BRD7: variants seen among roughly 807,000 people sequenced by gnomAD.
The protein encoded by BRD7 is bromodomain containing 7.
A neutral mutation model predicts 82.1 loss-of-function variants in BRD7; 15 were observed. That is an observed-to-expected ratio of 0.18 (90% CI 0.12 to 0.28). The LOEUF (loss-of-function observed/expected upper bound fraction) is 0.28, where lower values mean the gene tolerates loss of function less well. Among genes scored for constraint, BRD7 ranks in the 10% least tolerant of loss-of-function variants. The probability of loss-of-function intolerance (pLI) is 1.00; values close to 1 mark genes in which losing one functional copy is unlikely to be tolerated. For missense variants in BRD7, 638 were observed against 779.9 expected (o/e 0.82, Z 2.17); for synonymous variants, 232 against 266.9 (o/e 0.87, Z 1.27).
Position 50,320,299 on chromosome 16 carries a change from G to C in BRD7, c.1705C>G (p.Pro569Ala), listed in dbSNP as rs746738131. The stretch of plus-strand genomic sequence containing the variant: ...CCCAAGAGACAGATCATGTTCGGAG[G>C]GGGTCTGGTGCTCAAACGTTCATTC... The part of the protein sequence containing the change: ...AQNERLSTRP[P>A]PNMICLLGPS... The change falls in exon 15 of 17, where the codon CCT becomes GCT. Residue 569 changes from proline (P) to alanine (A), a missense_variant. Physicochemically the swap from Pro to Ala is conservative, Grantham distance 27 (BLOSUM62 -1). Around this residue, in one of 3 missense-constraint regions of BRD7, gnomAD observed 402 missense variants for 500.8 expected, o/e 0.80. Transcript: ENST00000394688. The C allele has an allele frequency of 1.9e-6, 3 of 1,614,156 alleles. No individual in the cohort carries two copies. Among genetic ancestry groups the C allele is most frequent in the Non-Finnish European group, 1.7e-6 (2 of 1,180,028 alleles).
chr16:50,355,909 G>T (rs898077285), intron 2 of BRD7, among the ~76,000 whole-genome samples: 1 of 152,120 alleles, frequency 6.6e-6, no homozygotes, highest in Non-Finnish European at 1.5e-5. Context: ...CTGAGATAAA[G>T]TACTTGAAAC....
In BRD7 at chr16:50,316,492, C is replaced by G. The variant is rs763837174; in HGVS notation, c.*2719G>C. 4 of 152,352 alleles carry G rather than the reference C, an allele frequency of 2.6e-5. No homozygotes were observed. The highest frequency in any genetic ancestry group is 5.9e-5 in the Non-Finnish European group (4 of 68,050). The allele number at this position is 152,352 out of a possible 1,614,324, so 9.4% of individuals were successfully genotyped here. On this transcript the variant is annotated 3_prime_UTR_variant, in exon 17 of 17. Transcript: ENST00000394688. The stretch of plus-strand genomic sequence containing the variant: ...AGGAATGGAGTCTGTTTAGAGACAA[C>G]TTGGACAACCTGTGAGTGCATCTCT...
intron 10 of BRD7, 28 bp downstream of exon 10, chr16:50,326,256 A>C (rs2037331984): frequency 6.3e-7 from 1 of 1,582,704 alleles, no homozygotes; most frequent in Admixed American, 1.7e-5. Context: ...AGAGAAGAGA[A>C]AAAATGACTC....
rs771492206 is a variant in BRD7, at chr16:50,354,490, AAAG to A, written c.389-11_389-9del. ...GGGGTGTCTGTTCTACTTCTAAAGC[AAAG>A]AAGAAGGGAAAAGGGTATTTTAAAA... On this transcript the variant is annotated splice_polypyrimidine_tract_variant and intron_variant, in intron 3 of 16. Coordinates refer to ENST00000394688, the MANE Select transcript of BRD7 (RefSeq NM_013263.5). 30 of 1,608,268 alleles carry A rather than the reference AAAG, an allele frequency of 1.9e-5. No individual in the cohort carries two copies. The highest frequency in any genetic ancestry group is 2.1e-4 in the Middle Eastern group (1 of 4,800).
chr16:50,367,340 G>A (rs1215621807), intron 2 of BRD7, among the ~76,000 whole-genome samples: 2 of 152,106 alleles, frequency 1.3e-5, no homozygotes, highest in Non-Finnish European at 2.9e-5. Flanking sequence ...TCCCACCTCA[G>A]CCTCCTGAAT....
At chr16:50,368,569 G>C (rs1567296772) in intron 1 of BRD7, 157 bp downstream of exon 1, 2 of 771,486 alleles carry the variant, frequency 2.6e-6, no homozygotes, top group Non-Finnish European at 3.7e-6. Context: ...CGGCCGCACG[G>C]GGGGCAGCGC....
chr16:50,364,441 C>T (rs1024111392), intron 2 of BRD7, among the ~76,000 whole-genome samples: 1 of 152,190 alleles, frequency 6.6e-6, no homozygotes, highest in Non-Finnish European at 1.5e-5. Flanking sequence ...AAAAGAATGA[C>T]CCAAACAGTC....
At chr16:50,333,431 T>C in intron 8 of BRD7, 143 bp downstream of exon 8, 1 of 1,036,372 alleles carries the variant, frequency 9.6e-7, no homozygotes, top group South Asian at 1.9e-5. Context: ...CTGTCCATTA[T>C]TAATTGTTTT....
chr16:50,331,789 A>G (rs769374856), intron 8 of BRD7, among the ~76,000 whole-genome samples: 6 of 152,230 alleles, frequency 3.9e-5, no homozygotes, highest in Non-Finnish European at 7.3e-5. Flanking sequence ...AAAATAAACA[A>G]AATAACTCAC....
intron 2 of BRD7, among the ~76,000 whole-genome samples, chr16:50,359,255 AG>A (rs1269587061): frequency 6.6e-6 from 1 of 152,238 alleles, no homozygotes; most frequent in Non-Finnish European, 1.5e-5. Context: ...CCTCGTCACT[AG>A]TAGGTGACAA....
chr16:50,368,003 T>C, intron 2 of BRD7, 87 bp downstream of exon 2: 1 of 1,367,082 alleles, frequency 7.3e-7, no homozygotes, highest in East Asian at 2.3e-5. Context: ...GCGTTTGTTT[T>C]CCCCAGATAC....
At chr16:50,321,441 C>T (rs2151131625) in intron 13 of BRD7, among the ~76,000 whole-genome samples, 1 of 151,978 alleles carries the variant, frequency 6.6e-6, no homozygotes, top group Middle Eastern at 3.4e-3. Flanking sequence ...GTGGCATGCA[C>T]CTGTAATCAC....
intron 9 of BRD7, 28 bp from the exon 10 acceptor site, chr16:50,326,419 G>A (rs1433393519): frequency 1.3e-6 from 2 of 1,486,004 alleles, no homozygotes; most frequent in Non-Finnish European, 1.8e-6. Context: ...GCACAGTGAA[G>A]GAGGCCTACA....
intron 5 of BRD7, among the ~76,000 whole-genome samples, chr16:50,341,892 T>C (rs1267341727): frequency 1.3e-5 from 2 of 150,008 alleles, no homozygotes; most frequent in Non-Finnish European, 3.0e-5. Context: ...GTGATGGCAC[T>C]GGTCATTCAA....
chr16:50,333,840 C>G, intron 7 of BRD7, 143 bp from the exon 8 acceptor site: 1 of 684,076 alleles, frequency 1.5e-6, no homozygotes. Context: ...CCTTGATGAC[C>G]TGTTAAGGGT....
At position 50,320,854 on chromosome 16, in the gene BRD7, T is replaced by A; in HGVS notation, c.1501-80A>T. ...TTAACTAGAAATTACTCAGATGGCA[T>A]GTATTTACAGGCAAAGTTATTCTAC... On this transcript the variant is annotated intron_variant, in intron 13 of 16. Transcript: ENST00000394688. The A allele has an allele frequency of 8.4e-6, 8 of 946,892 alleles. No individual in the cohort carries two copies. The South Asian group carries it at 9.4e-5, about 11-fold the overall frequency. 58.7% of individuals were successfully genotyped at this position (946,892 alleles called of 1,614,324 possible). A position where few individuals can be genotyped will look rare whatever the true frequency, so the allele number is the denominator to read the frequency against.
intron 14 of BRD7, 32 bp from the exon 15 acceptor site, chr16:50,320,423 T>C (rs767996036): frequency 1.9e-6 from 3 of 1,606,562 alleles, no homozygotes; most frequent in East Asian, 2.2e-5. Context: ...ACACTTCTGT[T>C]TGATCTTGTG....
chr16:50,367,169 A>G (rs1555473594), intron 2 of BRD7, among the ~76,000 whole-genome samples: 2 of 152,336 alleles, frequency 1.3e-5, no homozygotes, highest in African/African-American at 4.8e-5. Context: ...ACAATAATTG[A>G]TGTAATAAGT....
chr16:50,365,685 C>A (rs1438284378), intron 2 of BRD7, among the ~76,000 whole-genome samples: 1 of 152,044 alleles, frequency 6.6e-6, no homozygotes, highest in Admixed American at 6.5e-5. Flanking sequence ...AGAAAAAATT[C>A]TTGGAAATTC....
Sources: gnomAD v4.1 joint callset for allele counts (sites outside exome capture counted in the v4.1 genomes callset) on GRCh38, gnomAD v4.1.1 for gene constraint, gnomAD v4.1.1 regional missense constraint, MANE v1.5 for transcripts, NCBI Gene and HGNC (gene_info 2026-07-23, HGNC 2026-07-21) for gene names.